The following SIPA1L2 variants were observed in gnomAD, a reference collection of about 807,000 sequenced individuals.
SIPA1L2 encodes signal-induced proliferation-associated 1-like protein 2.
A neutral mutation model predicts 163.9 loss-of-function variants in SIPA1L2; 56 were observed. That is an observed-to-expected ratio of 0.34 (90% CI 0.28 to 0.43). The LOEUF (loss-of-function observed/expected upper bound fraction) is 0.43, where lower values mean the gene tolerates loss of function less well. Among genes scored for constraint, SIPA1L2 ranks in the 20% least tolerant of loss-of-function variants. The probability of loss-of-function intolerance (pLI) is 1.00; values close to 1 mark genes in which losing one functional copy is unlikely to be tolerated. For missense variants in SIPA1L2, 1,974 were observed against 2,193.5 expected, an observed-to-expected ratio of 0.90 and a Z score of 2.00; for synonymous variants, 877 against 865.7, an observed-to-expected ratio of 1.01 and a Z score of -0.23.
intron 2 of SIPA1L2, among the ~76,000 whole-genome samples, chr1:232,552,759 T>C (rs1399246736): frequency 6.6e-6 from 1 of 152,192 alleles, no homozygotes; most frequent in Non-Finnish European, 1.5e-5. Context: ...ATTCATGAAA[T>C]AAAAAAGCAG....
chr1:232,496,317 C>A (rs1666188096), intron 3 of SIPA1L2, among the ~76,000 whole-genome samples: 1 of 152,144 alleles, frequency 6.6e-6, no homozygotes, highest in South Asian at 2.1e-4. Flanking sequence ...GAGTAATATG[C>A]AATACCACAG....
intron 3 of SIPA1L2, among the ~76,000 whole-genome samples, chr1:232,511,377 AC>A (rs1666973278): frequency 6.6e-6 from 1 of 152,232 alleles, no homozygotes; most frequent in African/African-American, 2.4e-5. Flanking sequence ...GGACAGAGAG[AC>A]AATTCACACT....
rs1157038023 is a variant in SIPA1L2, at chr1:232,465,479, G to C, written c.2244-63C>G. The C allele has an allele frequency of 2.9e-6, 4 of 1,394,140 alleles. No homozygotes were observed. The highest frequency in any genetic ancestry group is 2.9e-5 in the African/African-American group (2 of 68,620). 86.4% of individuals were successfully genotyped at this position (1,394,140 alleles called of 1,614,324 possible). ...ATGATACCATAATATGTATCTTTCC[G>C]AATTTGACATATATATACACACACA... On this transcript the variant is annotated intron_variant, in intron 8 of 22. Coordinates refer to ENST00000674635, the MANE Select transcript of SIPA1L2 (RefSeq NM_020808.5). The surrounding 1 kb of genome is among the most constrained non-coding windows in gnomAD (Gnocchi z 4.1).
At chr1:232,515,877 T>C (rs78284575) in intron 2 of SIPA1L2, among the ~76,000 whole-genome samples, 2,332 of 152,326 alleles carry the variant, frequency 0.015, 65 homozygotes, top group African/African-American at 0.053. Context: ...CAAAGAATGT[T>C]GTGATCCCAC....
intron 2 of SIPA1L2, among the ~76,000 whole-genome samples, chr1:232,545,818 G>C (rs1657997553): frequency 6.6e-6 from 1 of 152,126 alleles, no homozygotes; most frequent in Non-Finnish European, 1.5e-5. Flanking sequence ...TTCAATTAAT[G>C]TATTAATAAC....
At chr1:232,448,421 T>C (rs1183047997) in intron 10 of SIPA1L2, among the ~76,000 whole-genome samples, 1 of 152,196 alleles carries the variant, frequency 6.6e-6, no homozygotes, top group African/African-American at 2.4e-5. Context: ...TTGAGAAATC[T>C]ATTAGAACAA....
At chr1:232,541,664 C>T (rs144956125) in intron 2 of SIPA1L2, among the ~76,000 whole-genome samples, 96 of 152,072 alleles carry the variant, frequency 6.3e-4, no homozygotes, top group African/African-American at 2.1e-3. Flanking sequence ...CAACTTTATC[C>T]GCTCATTTGA....
chr1:232,448,128 A>T (rs889750124), intron 10 of SIPA1L2, among the ~76,000 whole-genome samples: 37 of 152,202 alleles, frequency 2.4e-4, no homozygotes, highest in African/African-American at 8.9e-4. Context: ...GCGATTACTC[A>T]GGTACTTAAG....
intron 5 of SIPA1L2, among the ~76,000 whole-genome samples, chr1:232,488,197 C>T (rs984680949): frequency 1.3e-5 from 2 of 152,158 alleles, no homozygotes; most frequent in Non-Finnish European, 2.9e-5. Context: ...AAATGATCCA[C>T]CCACCTTGGC....
At position 232,432,294 on chromosome 1, in the gene SIPA1L2, C is replaced by T. The variant is rs773330978; in HGVS notation, c.4209G>A (p.Ser1403=). Residue 1403 remains serine (S), a synonymous_variant, in exon 16 of 23, where the codon TCG becomes TCA. Transcript: ENST00000674635. ...VNKYVIGWKK[S]EGSPPPEEPE... ...GCTCCTCGGGCGGTGGGCTGCCCTC[C>T]GATTTCTTCCAGCCGATGACATATT... 5.7e-5 allele frequency: 92 copies of T among 1,614,076 alleles called. No individual in the cohort carries two copies. The highest frequency in any genetic ancestry group is 7.6e-5 in the Non-Finnish European group (90 of 1,180,052).
In SIPA1L2 at chr1:232,432,242, C is replaced by G. The variant is rs755476364; in HGVS notation, c.4256+5G>C. The G allele has an allele frequency of 1.9e-6, 3 of 1,612,794 alleles. No homozygotes were observed. The South Asian group carries it at 3.3e-5, about 18-fold the overall frequency. On this transcript the variant is annotated splice_donor_5th_base_variant and intron_variant, in intron 16 of 22. Coordinates refer to ENST00000674635, the MANE Select transcript of SIPA1L2 (RefSeq NM_020808.5). ...TGACCAGAGAAGAACAGCCAGCCAC[C>G]TTACCCGGGACATTCAGTCACTTCA... is the stretch of plus-strand genomic sequence containing the variant.
intron 2 of SIPA1L2, among the ~76,000 whole-genome samples, chr1:232,553,381 C>CG (rs960997780): frequency 5.9e-5 from 9 of 151,902 alleles, no homozygotes; most frequent in South Asian, 4.2e-4. Context: ...GGGTACAGGA[C>CG]GGGGGGGCGT....
intron 1 of SIPA1L2, among the ~76,000 whole-genome samples, chr1:232,583,762 A>G (rs1660505455): frequency 6.6e-6 from 1 of 152,232 alleles, no homozygotes; most frequent in South Asian, 2.1e-4. Context: ...GGTGTCCATG[A>G]AAGGTAATTA....
At chr1:232,424,319 T>C (rs1297359423) in intron 18 of SIPA1L2, among the ~76,000 whole-genome samples, 1 of 8,366 alleles carries the variant, frequency 1.2e-4, no homozygotes, top group African/African-American at 3.2e-4. Flanking sequence ...TAAGTGAAGC[T>C]AACAAAAAAA....
intron 2 of SIPA1L2, among the ~76,000 whole-genome samples, chr1:232,515,850 C>T (rs1667197065): frequency 6.6e-6 from 1 of 152,204 alleles, no homozygotes; most frequent in African/African-American, 2.4e-5. Flanking sequence ...ATGTCTCCCA[C>T]CCTAATTGCA....
intron 10 of SIPA1L2, among the ~76,000 whole-genome samples, chr1:232,454,169 A>C (rs955346661): frequency 2.0e-5 from 3 of 152,206 alleles, no homozygotes; most frequent in African/African-American, 7.2e-5. Flanking sequence ...TGAAATAGTA[A>C]CTTGCTTTTC....
Position 232,398,874 on chromosome 1 carries a change from A to T in SIPA1L2, c.*253T>A. 1 of 450,180 alleles carries T rather than the reference A, an allele frequency of 2.2e-6. No homozygotes were observed. Among genetic ancestry groups the T allele is most frequent in the South Asian group, 3.0e-5 (1 of 33,894 alleles). The allele number at this position is 450,180 out of a possible 1,614,324, so 27.9% of individuals were successfully genotyped here. A position where few individuals can be genotyped will look rare whatever the true frequency, so the allele number is the denominator to read the frequency against. ...GCAGAGTCTAAAAGAAAAAGGTCTC[A>T]ACTGTCGCCAGGGTTTACATTCATC... On this transcript the variant is annotated 3_prime_UTR_variant, in exon 23 of 23. Coordinates refer to ENST00000674635, the MANE Select transcript of SIPA1L2 (RefSeq NM_020808.5).
At chr1:232,464,597 C>T (rs1275705886) in intron 9 of SIPA1L2, among the ~76,000 whole-genome samples, 1 of 152,160 alleles carries the variant, frequency 6.6e-6, no homozygotes, top group African/African-American at 2.4e-5. Context: ...TCTTAATGTT[C>T]TCTTTTGCAG....
At chr1:232,489,610 C>T (rs886441440) in intron 5 of SIPA1L2, among the ~76,000 whole-genome samples, 1 of 151,994 alleles carries the variant, frequency 6.6e-6, no homozygotes, top group African/African-American at 2.4e-5. Flanking sequence ...ACTTGTTAGA[C>T]CAATTAGTTT....
Sources: allele counts gnomAD v4.1 joint callset (sites outside exome capture counted in the v4.1 genomes callset), GRCh38; gene constraint gnomAD v4.1.1; non-coding constraint Gnocchi (gnomAD v3.1); transcripts MANE v1.5; gene names NCBI Gene and HGNC (gene_info 2026-07-23, HGNC 2026-07-21).